MAML3: variants seen among roughly 807,000 people sequenced by gnomAD.
The protein encoded by MAML3 is mastermind like transcriptional coactivator 3.
MAML3 carries 27 observed loss-of-function variants against 101.9 expected under a neutral mutation model. That is an observed-to-expected ratio of 0.27 (90% CI 0.20 to 0.37). The LOEUF (loss-of-function observed/expected upper bound fraction) is 0.37, where lower values mean the gene tolerates loss of function less well. Ranked by LOEUF, MAML3 falls within the 10% of genes least tolerant of loss-of-function variation. MAML3 has a pLI of 1.00. For missense variants in MAML3, 1,316 were observed against 1,444.9 expected (o/e 0.91, Z 1.45); for synonymous variants, 501 against 555.9 (o/e 0.90, Z 1.39).
rs139919662 is a variant in MAML3 at position 140,024,264 on chromosome 4, G to A, written c.468+128596C>T. Among the ~76,000 whole-genome samples the A allele has an allele frequency of 1.7e-3, 259 of 150,934 alleles. 1 individual carries two copies. Among genetic ancestry groups the A allele is most frequent in the African/African-American group, 5.9e-3 (242 of 41,044 alleles). On this transcript the variant is annotated intron_variant, in intron 1 of 4. Coordinates refer to ENST00000509479, the MANE Select transcript of MAML3 (RefSeq NM_018717.5). Reference sequence around the variant, plus strand: ...TTTTTTAGAGACAGTGTCTTGCTCCGTCGCCCAGGCTGGAGTGCAGTGGTG... The same window carrying A: ...TTTTTTAGAGACAGTGTCTTGCTCCATCGCCCAGGCTGGAGTGCAGTGGTG...
chr4:139,730,802 T>C (rs1728675795), intron 2 of MAML3, 135 bp from the exon 3 acceptor site: 3 of 754,460 alleles, frequency 4.0e-6, no homozygotes. Flanking sequence ...GTGGCACGCA[T>C]TGCATTTCCA....
chr4:140,089,501 T>C (rs1168444327), intron 1 of MAML3, among the ~76,000 whole-genome samples: 3 of 152,188 alleles, frequency 2.0e-5, no homozygotes, highest in Non-Finnish European at 4.4e-5. Flanking sequence ...ACCTGGGAAA[T>C]GAGAATGTTT....
chr4:139,793,035 C>T (rs1350568764), intron 2 of MAML3, among the ~76,000 whole-genome samples: 1 of 152,016 alleles, frequency 6.6e-6, no homozygotes, highest in Non-Finnish European at 1.5e-5. Context: ...CGTGAGACAC[C>T]GCGCCCGGCA....
rs530155519 is a variant in MAML3, at chr4:139,935,701, A to G, written c.469-44734T>C. ...TGGGGTTTTAGTTTTTAAATTTTTC[A>G]TAATTTATTTTTGTGCTTTCTGCTA... On this transcript the variant is annotated intron_variant, in intron 1 of 4. Transcript: ENST00000509479. Among the ~76,000 whole-genome samples, 3 of 143,706 alleles carry G rather than the reference A, an allele frequency of 2.1e-5. No homozygotes were observed. The East Asian group carries it at 6.1e-4, about 29-fold the overall frequency. The allele number at this position is 143,706 out of a possible 152,430, so 94.3% of individuals were successfully genotyped here.
chr4:140,092,125 T>C (rs1331197442), intron 1 of MAML3, among the ~76,000 whole-genome samples: 4 of 146,780 alleles, frequency 2.7e-5, no homozygotes, highest in Non-Finnish European at 6.0e-5. Context: ...TATACGTATA[T>C]ATATATAATA....
chr4:140,039,121 TAAAAAAAAG>T (rs752882333), intron 1 of MAML3, among the ~76,000 whole-genome samples: 1 of 150,836 alleles, frequency 6.6e-6, no homozygotes. Flanking sequence ...AGACTCCGTC[TAAAAAAAAG>T]AAAAAAAAGA....
At chr4:140,014,301 T>G (rs1221834928) in intron 1 of MAML3, among the ~76,000 whole-genome samples, 3 of 152,004 alleles carry the variant, frequency 2.0e-5, no homozygotes, top group Non-Finnish European at 4.4e-5. Flanking sequence ...CGATAAATGA[T>G]CAAAAAATAT....
intron 2 of MAML3, among the ~76,000 whole-genome samples, chr4:139,747,244 T>G (rs1729354220): frequency 6.6e-6 from 1 of 152,180 alleles, no homozygotes; most frequent in African/African-American, 2.4e-5. Flanking sequence ...AGGAAGGAAA[T>G]GTAACTTGAG....
At chr4:139,953,284 G>C (rs1315023897) in intron 1 of MAML3, among the ~76,000 whole-genome samples, 2 of 152,128 alleles carry the variant, frequency 1.3e-5, no homozygotes, top group Non-Finnish European at 2.9e-5. Flanking sequence ...TTTGTTTTTA[G>C]CCTTTTGAAT....
chr4:139,725,983 A>T, intron 3 of MAML3, 148 bp from the exon 4 acceptor site: 1 of 669,138 alleles, frequency 1.5e-6, no homozygotes, highest in South Asian at 1.8e-5. Context: ...AAGTGCACAA[A>T]GTCTAAGGAT....
At chr4:139,894,866 G>T (rs977691327) in intron 1 of MAML3, among the ~76,000 whole-genome samples, 3 of 152,186 alleles carry the variant, frequency 2.0e-5, no homozygotes, top group African/African-American at 7.2e-5. Context: ...ATAGCAGCAA[G>T]ATCAAATATC....
chr4:139,944,426 A>G (rs553478459), intron 1 of MAML3, among the ~76,000 whole-genome samples: 1 of 151,934 alleles, frequency 6.6e-6, no homozygotes, highest in African/African-American at 2.4e-5. Flanking sequence ...GAGAATATGC[A>G]GTGTTTGGTT....
chr4:139,843,286 G>C (rs774922837), intron 2 of MAML3, among the ~76,000 whole-genome samples: 4 of 152,166 alleles, frequency 2.6e-5, no homozygotes, highest in Non-Finnish European at 1.5e-5. Context: ...GCGAAGAAAG[G>C]TGACGCCATC....
intron 2 of MAML3, among the ~76,000 whole-genome samples, chr4:139,750,662 A>T (rs1276272645): frequency 6.6e-6 from 1 of 152,224 alleles, no homozygotes; most frequent in Non-Finnish European, 1.5e-5. Flanking sequence ...TGATAAAAAT[A>T]TAAATTTAAA....
intron 1 of MAML3, among the ~76,000 whole-genome samples, chr4:140,033,425 G>A (rs918566952): frequency 1.1e-3 from 24 of 21,138 alleles, no homozygotes; most frequent in Admixed American, 7.6e-4. Flanking sequence ...GAAGAGGTAC[G>A]GTATGGGAAA....
chr4:140,037,248 A>AAC (rs1560873648), intron 1 of MAML3, among the ~76,000 whole-genome samples: 4 of 151,706 alleles, frequency 2.6e-5, no homozygotes, highest in African/African-American at 9.7e-5. Flanking sequence ...CTTGAAAAAA[A>AAC]AAAAACAAAA....
chr4:139,942,119 A>T (rs1389229176), intron 1 of MAML3, among the ~76,000 whole-genome samples: 1 of 152,000 alleles, frequency 6.6e-6, no homozygotes, highest in Non-Finnish European at 1.5e-5. Flanking sequence ...AGGCAATAAG[A>T]GCAAAACTCC....
At chr4:139,925,147 T>G (rs1200210499) in intron 1 of MAML3, among the ~76,000 whole-genome samples, 1 of 152,180 alleles carries the variant, frequency 6.6e-6, no homozygotes, top group Non-Finnish European at 1.5e-5. Flanking sequence ...TCCTTTTTCA[T>G]TAACCATCCC....
At chr4:139,840,215 G>A (rs1016692659) in intron 2 of MAML3, among the ~76,000 whole-genome samples, 14 of 152,118 alleles carry the variant, frequency 9.2e-5, no homozygotes, top group South Asian at 2.1e-4. Context: ...TCATAGCTAC[G>A]TACTGGGCAT....
Sources: allele counts gnomAD v4.1 joint callset (sites outside exome capture counted in the v4.1 genomes callset), GRCh38; gene constraint gnomAD v4.1.1; transcripts MANE v1.5; gene names NCBI Gene and HGNC (gene_info 2026-07-23, HGNC 2026-07-21).